The following COX14 variants were observed in gnomAD, a reference collection of about 807,000 sequenced individuals.
COX14 encodes the protein cytochrome c oxidase assembly factor COX14, also known as cytochrome c oxidase assembly protein COX14.
COX14 carries 3 observed loss-of-function variants against 5.8 expected under a neutral mutation model. The ratio of observed to expected loss-of-function variants is 0.51; its 90% CI spans 0.23 to 1.33. COX14 has a LOEUF of 1.33. Among genes scored for constraint, COX14 ranks in the 40% most tolerant of loss-of-function variants. The pLI, the probability that COX14 is intolerant of heterozygous loss-of-function variation, is 0.18. For synonymous variants in COX14, 25 were observed against 26.1 expected (o/e 0.96, Z 0.13); for missense variants, 72 against 72.1 (o/e 1.00, Z 0.01).
intron 1 of COX14, among the ~76,000 whole-genome samples, chr12:50,117,166 T>C (rs936343169): frequency 2.0e-5 from 3 of 152,072 alleles, no homozygotes; most frequent in Non-Finnish European, 2.9e-5. Flanking sequence ...TATGCCACCA[T>C]GCGTGGCTAA....
rs921338279 is a variant in COX14 at position 50,112,288 on chromosome 12, G to T, written c.-22G>T. 6.1e-6 allele frequency: 6 copies of T among 985,216 alleles called. No individual in the cohort carries two copies. The highest frequency in any genetic ancestry group is 7.2e-6 in the Non-Finnish European group (6 of 829,804). The allele number at this position is 985,216 out of a possible 1,614,324, so 61.0% of individuals were successfully genotyped here. A position where few individuals can be genotyped will look rare whatever the true frequency, so the allele number is the denominator to read the frequency against. ...GGAGGCCTCGGTTGGATGCGAAGGA[G>T]CTGCAGCATCCAGGTACGCTGCCGG... is the stretch of plus-strand genomic sequence containing the variant. On this transcript the variant is annotated 5_prime_UTR_variant, in exon 1 of 2. Coordinates refer to ENST00000550487, the MANE Select transcript of COX14 (RefSeq NM_032901.4).
intron 1 of COX14, among the ~76,000 whole-genome samples, chr12:50,115,682 G>C (rs1437686698): frequency 6.6e-6 from 1 of 151,800 alleles, no homozygotes; most frequent in Non-Finnish European, 1.5e-5. Context: ...CTCTTGAGTA[G>C]CTGGGACTAC....
Position 50,120,217 on chromosome 12 carries a change from G to C in COX14, c.174G>C (p.Ter58TyrextTer30). 4 of 1,612,642 alleles carry C rather than the reference G, an allele frequency of 2.5e-6. No homozygotes were observed. The highest frequency in any genetic ancestry group is 3.4e-6 in the Non-Finnish European group (4 of 1,179,532). ...AACAGAAGACCTCAGGAATCATGTA[G>C]AACTGGGGGGCTTTTTCTCCTGAGC... is the stretch of plus-strand genomic sequence containing the variant. The part of the protein sequence containing the change: ...AEEQKTSGIM[*>Y] Residue 58 changes from the stop codon to tyrosine, a stop_lost, in exon 2 of 2, where the codon TAG becomes TAC. Coordinates refer to ENST00000550487, the MANE Select transcript of COX14 (RefSeq NM_032901.4).
In COX14 at chr12:50,114,232, A is replaced by C. The variant is rs1329859801; in HGVS notation, c.-9+1931A>C. Among the ~76,000 whole-genome samples, 6 of 151,248 alleles carry C rather than the reference A, an allele frequency of 4.0e-5. No individual in the cohort carries two copies. The South Asian group carries it at 6.3e-4, about 16-fold the overall frequency. On this transcript the variant is annotated intron_variant, in intron 1 of 1. Transcript: ENST00000550487. The stretch of plus-strand genomic sequence containing the variant: ...ATGTAGTTAAATGAAAAAAAAAAAA[A>C]AAAAAACAGGTGTTTCTGGAATTTT...
At chr12:50,116,059 A>G (rs1045363387) in intron 1 of COX14, among the ~76,000 whole-genome samples, 1 of 149,820 alleles carries the variant, frequency 6.7e-6, no homozygotes, top group Non-Finnish European at 1.5e-5. Context: ...TTCCACTTCT[A>G]CTGCTACCAC....
At chr12:50,113,097 A>G (rs1592307106) in intron 1 of COX14, among the ~76,000 whole-genome samples, 1 of 151,462 alleles carries the variant, frequency 6.6e-6, no homozygotes, top group South Asian at 2.1e-4. Flanking sequence ...CTGGTCTCCA[A>G]CTCCTGAGCT....
intron 1 of COX14, among the ~76,000 whole-genome samples, chr12:50,117,237 A>C (rs1379583527): frequency 1.3e-5 from 2 of 152,078 alleles, no homozygotes; most frequent in African/African-American, 4.8e-5. Flanking sequence ...GCTGGTCTCA[A>C]ACTCCTGGCC....
Position 50,120,312 on chromosome 12 carries a change from T to A in COX14, c.*95T>A, listed in dbSNP as rs11552774. ...TTTCCAGGTCAACAGGACTAGAGCG[T>A]TGATGGTTTTCAAACCCTGTTGGAA... On this transcript the variant is annotated 3_prime_UTR_variant, in exon 2 of 2. Transcript: ENST00000550487. The A allele has an allele frequency of 1.8e-6, 2 of 1,087,464 alleles. No individual in the cohort carries two copies. The highest frequency in any genetic ancestry group is 2.6e-6 in the Non-Finnish European group (2 of 757,140). 67.4% of individuals were successfully genotyped at this position (1,087,464 alleles called of 1,614,324 possible).
chr12:50,118,274 TGACC>T (rs1314938260), intron 1 of COX14, among the ~76,000 whole-genome samples: 3 of 71,084 alleles, frequency 4.2e-5, no homozygotes, highest in African/African-American at 1.8e-4. Flanking sequence ...CTCGAACTCC[TGACC>T]TCAGGTGATC....
intron 1 of COX14, among the ~76,000 whole-genome samples, chr12:50,113,114 A>G (rs1244125683): frequency 5.3e-5 from 8 of 151,888 alleles, no homozygotes; most frequent in Non-Finnish European, 5.9e-5. Flanking sequence ...AGCTCAAGCC[A>G]TCCTCCCGCC....
intron 1 of COX14, among the ~76,000 whole-genome samples, chr12:50,113,511 G>A (rs1236853729): frequency 6.7e-6 from 1 of 150,164 alleles, no homozygotes; most frequent in African/African-American, 2.4e-5. Context: ...CACTGTGTTA[G>A]CCAGGATGGT....
At chr12:50,113,261 A>G (rs1951046562) in intron 1 of COX14, among the ~76,000 whole-genome samples, 1 of 151,672 alleles carries the variant, frequency 6.6e-6, no homozygotes, top group Admixed American at 6.6e-5. Context: ...TATGCAGTGT[A>G]TGCATGTAAC....
At chr12:50,114,326 CA>C (rs965053754) in intron 1 of COX14, among the ~76,000 whole-genome samples, 4 of 150,916 alleles carry the variant, frequency 2.7e-5, no homozygotes, top group Admixed American at 1.3e-4. Flanking sequence ...CTCAGCTCAC[CA>C]CAACCTCCGC....
chr12:50,119,654 C>T (rs1268956171), intron 1 of COX14, among the ~76,000 whole-genome samples: 2 of 152,170 alleles, frequency 1.3e-5, no homozygotes, highest in African/African-American at 2.4e-5. Context: ...ATACTCACAC[C>T]ACTGCACTCC....
At position 50,120,081 on chromosome 12, in the gene COX14, A is replaced by G. The variant is rs778937865; in HGVS notation, c.38A>G (p.Lys13Arg). ...TGKQLADIGY[K>R]TFSTSMMLLT... Reference sequence around the variant, plus strand: ...AAGCAGCTAGCTGACATTGGCTATAAGACCTTCTCTACCTCCATGATGCTT... The same window carrying G: ...AAGCAGCTAGCTGACATTGGCTATAGGACCTTCTCTACCTCCATGATGCTT... Residue 13 changes from lysine to arginine, a missense_variant, in exon 2 of 2, where the codon AAG becomes AGG. Lys to Arg is a conservative substitution (Grantham distance 26, BLOSUM62 2). Transcript: ENST00000550487. 9 of 1,614,160 alleles carry G rather than the reference A, an allele frequency of 5.6e-6. No homozygotes were observed. The Admixed American group carries it at 1.5e-4, about 27-fold the overall frequency.
At chr12:50,114,591 T>G (rs889638205) in intron 1 of COX14, among the ~76,000 whole-genome samples, 14 of 151,856 alleles carry the variant, frequency 9.2e-5, no homozygotes, top group Admixed American at 7.2e-4. Flanking sequence ...AATTGTTGCC[T>G]TCTTTGAACT....
At chr12:50,112,588 T>A in intron 1 of COX14, 1 of 550,584 alleles carries the variant, frequency 1.8e-6, no homozygotes, top group Non-Finnish European at 2.3e-6. Context: ...TGCCTCTTCC[T>A]TGCTCTATAG....
Position 50,112,296 on chromosome 12 carries a change from A to T in COX14, c.-14A>T, listed in dbSNP as rs755738318. On this transcript the variant is annotated 5_prime_UTR_variant, in exon 1 of 2. Transcript: ENST00000550487. ...CGGTTGGATGCGAAGGAGCTGCAGC[A>T]TCCAGGTACGCTGCCGGCTAGGGCC... The T allele has an allele frequency of 4.5e-5, 44 of 985,318 alleles. No individual in the cohort carries two copies. The highest frequency in any genetic ancestry group is 5.3e-5 in the Non-Finnish European group (44 of 829,910). 61.0% of individuals were successfully genotyped at this position (985,318 alleles called of 1,614,324 possible). A position where few individuals can be genotyped will look rare whatever the true frequency, so the allele number is the denominator to read the frequency against.
At chr12:50,114,867 A>G (rs985546579) in intron 1 of COX14, among the ~76,000 whole-genome samples, 1 of 134,704 alleles carries the variant, frequency 7.4e-6, no homozygotes, top group Non-Finnish European at 1.5e-5. Flanking sequence ...TCCTGGGTTC[A>G]AGCAATTCTC....
Sources: allele counts gnomAD v4.1 joint callset (sites outside exome capture counted in the v4.1 genomes callset), GRCh38; gene constraint gnomAD v4.1.1; transcripts MANE v1.5; gene names NCBI Gene and HGNC (gene_info 2026-07-23, HGNC 2026-07-21).